The following MSI2 variants were observed in gnomAD, a reference collection of about 807,000 sequenced individuals.
The protein encoded by MSI2 is musashi RNA binding protein 2.
A neutral mutation model predicts 45.6 loss-of-function variants in MSI2; 17 were observed. The observed-to-expected ratio is 0.37, with a 90% CI of 0.26 to 0.56. The LOEUF (loss-of-function observed/expected upper bound fraction) is 0.56, where lower values mean the gene tolerates loss of function less well. Ranked by LOEUF, MSI2 falls within the 20% of genes least tolerant of loss-of-function variation. MSI2 has a pLI of 0.77. For missense variants in MSI2, 293 were observed against 444.2 expected, an observed-to-expected ratio of 0.66 and a Z score of 3.06; for synonymous variants, 156 against 158.2, an observed-to-expected ratio of 0.99 and a Z score of 0.11.
the MSI2 span, among the ~76,000 whole-genome samples, chr17:57,698,662 A>G: frequency 6.6e-6 from 1 of 151,914 alleles, no homozygotes; most frequent in Non-Finnish European, 1.5e-5. Flanking sequence ...GCCCTCTTAC[A>G]TGCTCTCTTG....
the MSI2 span, among the ~76,000 whole-genome samples, chr17:57,697,595 A>C: frequency 6.6e-6 from 1 of 152,102 alleles, no homozygotes; most frequent in Non-Finnish European, 1.5e-5. Context: ...CATACCCAAG[A>C]CTGGGTAACT....
intron 6 of MSI2, among the ~76,000 whole-genome samples, chr17:57,474,388 C>T (rs2085498339): frequency 6.6e-6 from 1 of 152,164 alleles, no homozygotes; most frequent in East Asian, 1.9e-4. Context: ...GCAGACCAGG[C>T]TCCAAGCCAG....
intron 5 of MSI2, among the ~76,000 whole-genome samples, chr17:57,395,090 T>C (rs1291085878): frequency 6.6e-6 from 1 of 152,194 alleles, no homozygotes; most frequent in Non-Finnish European, 1.5e-5. Context: ...TTGGTGTTCC[T>C]TGGTTTGCAG....
At chr17:57,563,954 C>G (rs1026631760) in intron 7 of MSI2, among the ~76,000 whole-genome samples, 6 of 152,200 alleles carry the variant, frequency 3.9e-5, no homozygotes. Context: ...AACAGCCCAC[C>G]TGAGCCAGAA....
At chr17:57,386,963 G>A (rs1598201486) in intron 5 of MSI2, among the ~76,000 whole-genome samples, 2 of 152,308 alleles carry the variant, frequency 1.3e-5, no homozygotes, top group East Asian at 3.9e-4. Flanking sequence ...AAGACCCTGG[G>A]CTTCCAGGCA....
intron 6 of MSI2, among the ~76,000 whole-genome samples, chr17:57,429,775 G>A (rs2084561247): frequency 6.6e-6 from 1 of 152,002 alleles, no homozygotes; most frequent in Non-Finnish European, 1.5e-5. Flanking sequence ...AAGCAAAAGG[G>A]AGAATTTCCG....
At chr17:57,402,753 C>G (rs2084016473) in intron 6 of MSI2, among the ~76,000 whole-genome samples, 1 of 152,206 alleles carries the variant, frequency 6.6e-6, no homozygotes, top group Non-Finnish European at 1.5e-5. Context: ...CTCCTCCAGC[C>G]CAGCCTTGCA....
intron 5 of MSI2, among the ~76,000 whole-genome samples, chr17:57,306,204 T>A (rs948893027): frequency 6.6e-6 from 1 of 152,006 alleles, no homozygotes; most frequent in Non-Finnish European, 1.5e-5. Flanking sequence ...GAAGAGCTTC[T>A]CTGGCTGCCT....
rs557652114 is a variant in MSI2, at chr17:57,673,763, C to T, written c.791-1209C>T. 2.8e-4 allele frequency among the ~76,000 whole-genome samples: 42 copies of T among 152,130 alleles called. No homozygotes were observed. In the South Asian group the frequency reaches 4.4e-3, roughly 16 times the overall value. On this transcript the variant is annotated intron_variant, in intron 11 of 13. Coordinates refer to ENST00000284073, the MANE Select transcript of MSI2 (RefSeq NM_138962.4). ...TCCGCTGCCCCCCGATCTGCAACCC[C>T]ACCACTCTCTGGATTTGTGCGTGTC... is the stretch of plus-strand genomic sequence containing the variant.
chr17:57,359,296 AT>A (rs1292591463), intron 5 of MSI2, among the ~76,000 whole-genome samples: 1 of 152,172 alleles, frequency 6.6e-6, no homozygotes, highest in Admixed American at 6.5e-5. Flanking sequence ...TATTTTTAAA[AT>A]TTAATTTTAT....
intron 6 of MSI2, among the ~76,000 whole-genome samples, chr17:57,495,685 T>A (rs2085965922): frequency 6.6e-6 from 1 of 152,154 alleles, no homozygotes; most frequent in Admixed American, 6.5e-5. Flanking sequence ...TGGCATTGAT[T>A]CCTGGTGGTC....
chr17:57,299,183 T>C (rs908252147), intron 5 of MSI2, among the ~76,000 whole-genome samples: 1 of 152,248 alleles, frequency 6.6e-6, no homozygotes, highest in Non-Finnish European at 1.5e-5. Flanking sequence ...AAGGGAATGT[T>C]GTGGCTGGTT....
At position 57,504,289 on chromosome 17, in the gene MSI2, C is replaced by T. The variant is rs530242617; in HGVS notation, c.406-25387C>T. On this transcript the variant is annotated intron_variant, in intron 6 of 13. Coordinates refer to ENST00000284073, the MANE Select transcript of MSI2 (RefSeq NM_138962.4). ...CTCCCGTTATGACCTCACAAGGCAG[C>T]CCCCCGGGATTCTCCTCATGCCTTT... Among the ~76,000 whole-genome samples the T allele has an allele frequency of 5.9e-5, 9 of 152,278 alleles. No homozygotes were observed. The East Asian group carries it at 1.7e-3, about 29-fold the overall frequency.
intron 5 of MSI2, among the ~76,000 whole-genome samples, chr17:57,298,609 C>T (rs577250448): frequency 1.6e-4 from 24 of 152,076 alleles, no homozygotes; most frequent in African/African-American, 4.8e-4. Context: ...TGCAGTGAGC[C>T]GAGATTGCAC....
intron 11 of MSI2, among the ~76,000 whole-genome samples, chr17:57,666,608 G>A (rs1406135586): frequency 1.3e-5 from 2 of 152,192 alleles, no homozygotes; most frequent in Non-Finnish European, 2.9e-5. Context: ...AGGCTGCCTC[G>A]TAAGTCTGTG....
intron 6 of MSI2, among the ~76,000 whole-genome samples, chr17:57,478,000 A>C (rs966749932): frequency 1.3e-5 from 2 of 152,216 alleles, no homozygotes; most frequent in African/African-American, 2.4e-5. Context: ...TGCTGGCTGC[A>C]GCTCAGAGGG....
intron 4 of MSI2, among the ~76,000 whole-genome samples, chr17:57,260,742 G>C (rs1015466084): frequency 4.6e-5 from 7 of 152,132 alleles, no homozygotes; most frequent in Non-Finnish European, 1.0e-4. Context: ...TTAAAGGTAG[G>C]GAATGCAATG....
chr17:57,507,239 G>A (rs1490734569), intron 6 of MSI2, among the ~76,000 whole-genome samples: 51 of 106,152 alleles, frequency 4.8e-4, no homozygotes, highest in African/African-American at 2.0e-3. Context: ...GTGTGTGTGT[G>A]TGTGTGTGTG....
At chr17:57,385,468 A>T (rs1476248805) in intron 5 of MSI2, among the ~76,000 whole-genome samples, 1 of 152,150 alleles carries the variant, frequency 6.6e-6, no homozygotes, top group Non-Finnish European at 1.5e-5. Context: ...CCTGGCCAAC[A>T]TGGTGAAACC....
Sources: allele counts gnomAD v4.1 joint callset (sites outside exome capture counted in the v4.1 genomes callset), GRCh38; gene constraint gnomAD v4.1.1; transcripts MANE v1.5; gene names NCBI Gene and HGNC (gene_info 2026-07-23, HGNC 2026-07-21).